Variants in TEAD4 observed in about 807,000 individuals in gnomAD.
TEAD4 encodes the protein TEA domain transcription factor 4, also known as transcriptional enhancer factor TEF-3.
In TEAD4, 36 loss-of-function variants were observed where a neutral mutation model predicts 52.4. The ratio of observed to expected loss-of-function variants is 0.69; its 90% CI spans 0.53 to 0.91. The LOEUF is 0.91. Ranked by LOEUF, TEAD4 falls within the 40% of genes least tolerant of loss-of-function variation. TEAD4 has a pLI of 0.00. For missense variants in TEAD4, 508 were observed against 583.9 expected, an observed-to-expected ratio of 0.87 and a Z score of 1.34; for synonymous variants, 220 against 231.0, an observed-to-expected ratio of 0.95 and a Z score of 0.43.
chr12:3,032,768 G>A (rs1173842535), intron 10 of TEAD4, among the ~76,000 whole-genome samples: 1 of 152,218 alleles, frequency 6.6e-6, no homozygotes, highest in Admixed American at 6.5e-5. Context: ...GGAGGCCAGG[G>A]CACCTTGGCG....
At chr12:2,971,802 T>C (rs958283982) in intron 2 of TEAD4, among the ~76,000 whole-genome samples, 4 of 145,812 alleles carry the variant, frequency 2.7e-5, no homozygotes, top group Admixed American at 7.0e-5. Context: ...ATCCTTTTTT[T>C]TTTCTTTCTT....
chr12:3,039,375 A>G (rs1462364723), intron 11 of TEAD4, among the ~76,000 whole-genome samples: 1 of 152,216 alleles, frequency 6.6e-6, no homozygotes, highest in Non-Finnish European at 1.5e-5. Context: ...TTGCATAACT[A>G]GAGTGTAAAG....
chr12:2,964,759 A>G (rs927043180), intron 2 of TEAD4, among the ~76,000 whole-genome samples: 1 of 151,526 alleles, frequency 6.6e-6, no homozygotes, highest in East Asian at 1.9e-4. Flanking sequence ...GGCGTGAACC[A>G]CCGTGCGCCT....
At chr12:3,018,485 CACCACA>C (rs2098266215) in intron 6 of TEAD4, 54 bp from the exon 7 acceptor site, 1 of 1,606,800 alleles carries the variant, frequency 6.2e-7, no homozygotes, top group Non-Finnish European at 8.5e-7. Flanking sequence ...CCCACCCCCA[CACCACA>C]GGGCCCCGGG....
chr12:2,997,487 G>A (rs1053639395), intron 3 of TEAD4, among the ~76,000 whole-genome samples: 4 of 152,154 alleles, frequency 2.6e-5, no homozygotes, highest in African/African-American at 7.2e-5. Flanking sequence ...CTCTGCTTTG[G>A]TGGAGGAGGG....
intron 3 of TEAD4, among the ~76,000 whole-genome samples, chr12:3,009,209 C>G (rs944135791): frequency 6.6e-6 from 1 of 152,226 alleles, no homozygotes; most frequent in African/African-American, 2.4e-5. Context: ...GGGTGGATCA[C>G]TTGAGGTCAG....
intron 2 of TEAD4, among the ~76,000 whole-genome samples, chr12:2,991,428 G>A (rs779759352): frequency 1.1e-4 from 16 of 152,178 alleles, no homozygotes; most frequent in Non-Finnish European, 1.3e-4. Context: ...TTGGGAGGCC[G>A]AGGTGGATGG....
chr12:3,019,322 C>T (rs2098266964), intron 8 of TEAD4, 152 bp downstream of exon 8: 2 of 886,300 alleles, frequency 2.3e-6, no homozygotes, highest in Non-Finnish European at 3.5e-6. Context: ...GGCCACACCC[C>T]ATTCCTTTCC....
chr12:2,985,550 G>A (rs2098237604), intron 2 of TEAD4, among the ~76,000 whole-genome samples: 1 of 116,052 alleles, frequency 8.6e-6, no homozygotes. Context: ...CTGTCCCCCA[G>A]GCTGGAGTGT....
At position 3,016,212 on chromosome 12, in the gene TEAD4, G is replaced by T. The variant is rs2098264359; in HGVS notation, c.355-1186G>T. Among the ~76,000 whole-genome samples the T allele has an allele frequency of 3.9e-5, 6 of 151,988 alleles. No homozygotes were observed. The South Asian group carries it at 1.0e-3, about 26-fold the overall frequency. ...CTGGCTAATTTTTGTATTTTTTGTA[G>T]AGCCAGGGTTTCACCAAGTTGCCCA... On this transcript the variant is annotated intron_variant, in intron 5 of 12. Coordinates refer to ENST00000359864, the MANE Select transcript of TEAD4 (RefSeq NM_003213.4).
At chr12:2,967,724 T>A (rs978647954) in intron 2 of TEAD4, among the ~76,000 whole-genome samples, 1 of 152,216 alleles carries the variant, frequency 6.6e-6, no homozygotes, top group Non-Finnish European at 1.5e-5. Context: ...TCTGCCTTCA[T>A]CATCTCATTT....
chr12:2,992,185 A>AT (rs2098243701), intron 2 of TEAD4, among the ~76,000 whole-genome samples: 3 of 151,678 alleles, frequency 2.0e-5, no homozygotes, highest in South Asian at 2.1e-4. Context: ...TGCCCGGCTA[A>AT]TTTTTTTATT....
intron 10 of TEAD4, among the ~76,000 whole-genome samples, chr12:3,023,143 A>G (rs1429544444): frequency 1.3e-5 from 2 of 152,096 alleles, no homozygotes; most frequent in Admixed American, 6.5e-5. Context: ...CCTTTAAGAC[A>G]CTTAGCATTT....
At chr12:3,022,580 G>A (rs1421612635) in intron 10 of TEAD4, among the ~76,000 whole-genome samples, 2 of 152,180 alleles carry the variant, frequency 1.3e-5, no homozygotes, top group Non-Finnish European at 2.9e-5. Flanking sequence ...TGTAGACTTG[G>A]CCTCTGCTGC....
In TEAD4 at chr12:3,036,998, G is replaced by A. The variant is rs954947042; in HGVS notation, c.898-970G>A. ...ACCCCTCATGGATAAAACCGAGGCC[G>A]TGGTTTTGGGTGTGAGATCAGCACA... is the stretch of plus-strand genomic sequence containing the variant. On this transcript the variant is annotated intron_variant, in intron 10 of 12. Coordinates refer to ENST00000359864, the MANE Select transcript of TEAD4 (RefSeq NM_003213.4). 3.9e-5 allele frequency among the ~76,000 whole-genome samples: 6 copies of A among 152,172 alleles called. No homozygotes were observed. In the South Asian group the frequency reaches 6.2e-4, roughly 16 times the overall value.
At chr12:2,987,484 G>T (rs1481378457) in intron 2 of TEAD4, among the ~76,000 whole-genome samples, 1 of 151,940 alleles carries the variant, frequency 6.6e-6, no homozygotes, top group African/African-American at 2.4e-5. Context: ...ACCCAGGTGG[G>T]ACTGCAGGGG....
chr12:3,010,563 G>A (rs140253304), intron 3 of TEAD4, among the ~76,000 whole-genome samples: 5 of 152,318 alleles, frequency 3.3e-5, no homozygotes, highest in Middle Eastern at 3.4e-3. Context: ...GCTTCTACTC[G>A]TTTACAGAGG....
At chr12:2,980,183 T>G (rs1394339859) in intron 2 of TEAD4, among the ~76,000 whole-genome samples, 1 of 151,932 alleles carries the variant, frequency 6.6e-6, no homozygotes, top group Non-Finnish European at 1.5e-5. Context: ...GGAGGGCAGT[T>G]TTCTTCCCCG....
chr12:3,021,282 T>C (rs894608334), intron 9 of TEAD4, among the ~76,000 whole-genome samples: 2 of 151,036 alleles, frequency 1.3e-5, no homozygotes, highest in African/African-American at 4.9e-5. Context: ...GCCAGGGCCC[T>C]TCTCACTCTG....
Sources: gnomAD v4.1 joint callset for allele counts (sites outside exome capture counted in the v4.1 genomes callset) on GRCh38, gnomAD v4.1.1 for gene constraint, MANE v1.5 for transcripts, NCBI Gene and HGNC (gene_info 2026-07-23, HGNC 2026-07-21) for gene names.